The following KANTR variants were observed in gnomAD, a reference collection of about 807,000 sequenced individuals.
The protein encoded by KANTR is KDM5C adjacent transcript.
intron 2 of KANTR, among the ~76,000 whole-genome samples, chrX:53,137,843 T>C (rs1933447136): frequency 9.0e-6 from 1 of 110,777 alleles, no homozygotes; most frequent in African/African-American, 3.3e-5. Context: ...TTTTGTTTTG[T>C]TTTTTTGTTT....
intron 2 of KANTR, among the ~76,000 whole-genome samples, chrX:53,102,070 A>G (rs782083673): frequency 9.0e-6 from 1 of 111,621 alleles, no homozygotes; most frequent in Admixed American, 9.6e-5. Context: ...TTGAAATGTG[A>G]AAATTACCAA....
chrX:53,139,715 C>T (rs1337320581), intron 2 of KANTR, among the ~76,000 whole-genome samples: 1 of 111,408 alleles, frequency 9.0e-6, no homozygotes, highest in African/African-American at 3.3e-5. Context: ...ATCCTAGCTA[C>T]TTTGGGAGGC....
downstream of KANTR, among the ~76,000 whole-genome samples, chrX:53,128,485 G>A (rs1933318325): frequency 9.0e-6 from 1 of 111,387 alleles, no homozygotes; most frequent in Non-Finnish European, 1.9e-5. Context: ...ATGTTAAACT[G>A]CTCTTGCATT....
chrX:53,099,574 A>G lies in KANTR; in HGVS notation c.-839A>G, dbSNP rs1932872827. 1 of 111,707 alleles carries G rather than the reference A, an allele frequency of 9.0e-6. No homozygotes were observed. The highest frequency in any genetic ancestry group is 3.7e-4 in the South Asian group (1 of 2,673). The allele number at this position is 111,707 out of a possible 1,213,427, so 9.2% of individuals were successfully genotyped here. Reference sequence around the variant, plus strand: ...AATGTTGATATTTTGACCTCCTTCCATGAATCACAAATGTTCTTAATGGCA... The same window carrying G: ...AATGTTGATATTTTGACCTCCTTCCGTGAATCACAAATGTTCTTAATGGCA... On this transcript the variant is annotated 5_prime_UTR_variant, in exon 2 of 3. An upstream start codon of the reference 5' UTR is lost. Transcript: ENST00000604062.
chrX:53,143,434 G>T, downstream of KANTR: 1 of 611,362 alleles, frequency 1.6e-6, no homozygotes, highest in Non-Finnish European at 2.8e-6. Flanking sequence ...GTACCATGTA[G>T]GTGGCCCTGT....
rs1932874665 is a variant in KANTR, at chrX:53,099,832, G to A, written c.-805+224G>A. Among the ~76,000 whole-genome samples the A allele has an allele frequency of 3.6e-5, 4 of 112,212 alleles. No individual in the cohort carries two copies. In the Admixed American group the frequency reaches 3.8e-4, roughly 11 times the overall value. ...TCCATCAGAGCTCTTAGGTGATCAG[G>A]TGCATTTTCAATGAGCAGTAATATT... On this transcript the variant is annotated intron_variant, in intron 2 of 2. Coordinates refer to ENST00000604062, the Ensembl canonical transcript of KANTR.
chrX:53,111,450 TATA>T (rs1257096604), intron 2 of KANTR, among the ~76,000 whole-genome samples: 1 of 111,904 alleles, frequency 8.9e-6, no homozygotes, highest in African/African-American at 3.2e-5. Flanking sequence ...TATTTCTTTT[TATA>T]ATGTGTTATC....
At chrX:53,123,734 A>G (rs782373417) in exon 3 of KANTR, 1 of 111,841 alleles carries the variant, frequency 8.9e-6, no homozygotes, top group African/African-American at 3.3e-5. Flanking sequence ...CCTTGTCCTC[A>G]ATGAGCAGAA....
At chrX:53,114,213 T>G (rs1470436806) in intron 2 of KANTR, among the ~76,000 whole-genome samples, 5 of 111,713 alleles carry the variant, frequency 4.5e-5, no homozygotes, top group Non-Finnish European at 9.4e-5. Context: ...TTAAAAAAAT[T>G]TTTTCCTTAA....
At chrX:53,136,105 C>T (rs1242631059) in intron 2 of KANTR, among the ~76,000 whole-genome samples, 1 of 112,296 alleles carries the variant, frequency 8.9e-6, no homozygotes, top group East Asian at 2.8e-4. Context: ...AATCCACCAT[C>T]ATCCTCTCTG....
chrX:53,103,794 G>A (rs1427620598), intron 2 of KANTR, among the ~76,000 whole-genome samples: 1 of 111,210 alleles, frequency 9.0e-6, no homozygotes, highest in Non-Finnish European at 1.9e-5. Flanking sequence ...CCACCACACA[G>A]CATCTGTATC....
At chrX:53,132,260 T>C (rs1933368418), downstream of KANTR, among the ~76,000 whole-genome samples, 1 of 111,848 alleles carries the variant, frequency 8.9e-6, no homozygotes, top group Non-Finnish European at 1.9e-5. Context: ...AAAATTCATA[T>C]GGAAAGGCAC....
chrX:53,103,653 G>T (rs1218333253), intron 2 of KANTR, among the ~76,000 whole-genome samples: 1 of 111,547 alleles, frequency 9.0e-6, no homozygotes. Context: ...CCTAGATGAT[G>T]ATTGTTTCCT....
chrX:53,115,400 C>T (rs1424985817), intron 2 of KANTR, among the ~76,000 whole-genome samples: 1 of 112,338 alleles, frequency 8.9e-6, no homozygotes, highest in Non-Finnish European at 1.9e-5. Flanking sequence ...GGGGGCCAGC[C>T]CCATGCTGGG....
intron 2 of KANTR, among the ~76,000 whole-genome samples, chrX:53,107,302 CTTTTT>C (rs139264757): frequency 4.9e-5 from 3 of 61,659 alleles, no homozygotes; most frequent in Admixed American, 2.6e-4. Context: ...ATCCTCTTTG[CTTTTT>C]TTTTTTTTTT....
chrX:53,132,524 T>A (rs1933371852), intron 2 of KANTR, among the ~76,000 whole-genome samples: 1 of 112,329 alleles, frequency 8.9e-6, no homozygotes. Flanking sequence ...TACTTTAGGT[T>A]TCACAAACAG....
At chrX:53,143,974 G>T (rs1450124704), downstream of KANTR, 1 of 273,891 alleles carries the variant, frequency 3.7e-6, no homozygotes, top group Admixed American at 5.1e-5. Context: ...GGGGCTGGTG[G>T]CAGCAAGTGA....
At chrX:53,146,381 G>GA (rs782530798), downstream of KANTR, among the ~76,000 whole-genome samples, 57 of 112,113 alleles carry the variant, frequency 5.1e-4, no homozygotes, top group African/African-American at 1.8e-3. Context: ...TCAACTGGAA[G>GA]AAAGGGTATC....
downstream of KANTR, among the ~76,000 whole-genome samples, chrX:53,131,006 C>T (rs1046664976): frequency 1.8e-5 from 2 of 111,281 alleles, no homozygotes; most frequent in Non-Finnish European, 3.8e-5. Flanking sequence ...GTTAATAATG[C>T]TTTTTCTCTT....
Sources: allele counts gnomAD v4.1 joint callset (sites outside exome capture counted in the v4.1 genomes callset), GRCh38; gene constraint gnomAD v4.1.1; transcripts MANE v1.5; gene names NCBI Gene and HGNC (gene_info 2026-07-23, HGNC 2026-07-21).